WDR27: variants seen among roughly 807,000 people sequenced by gnomAD.
WDR27 encodes the protein WD repeat domain 27, also known as WD repeat-containing protein 27.
In WDR27, 100 loss-of-function variants were observed where a neutral mutation model predicts 114.4. The observed-to-expected ratio is 0.87, with a 90% CI of 0.74 to 1.03. The LOEUF (loss-of-function observed/expected upper bound fraction) is 1.03. WDR27 is among the 50% of genes least tolerant of loss of function. The pLI, the probability that WDR27 is intolerant of heterozygous loss-of-function variation, is 0.00. For missense variants in WDR27, 1,129 were observed against 1,092.9 expected (o/e 1.03, Z -0.47); for synonymous variants, 449 against 423.1 (o/e 1.06, Z -0.75).
chr6:169,430,683 G>C, the WDR27 span, among the ~76,000 whole-genome samples: 1 of 152,342 alleles, frequency 6.6e-6, no homozygotes, highest in African/African-American at 2.4e-5. Flanking sequence ...GCAGATCCCA[G>C]CTCATTCTCT....
chr6:169,548,331 T>A (rs2128100387), intron 25 of WDR27, among the ~76,000 whole-genome samples: 1 of 152,316 alleles, frequency 6.6e-6, no homozygotes, highest in East Asian at 1.9e-4. Context: ...ACAAAATGAT[T>A]CTGAAATTTA....
intron 23 of WDR27, among the ~76,000 whole-genome samples, chr6:169,585,586 ACAAT>A (rs3029696): frequency 0.093 from 14,193 of 152,056 alleles, 1,700 homozygotes; most frequent in East Asian, 0.57. Flanking sequence ...AATAACATAA[ACAAT>A]CAATTACCAT....
At chr6:169,598,292 A>G (rs538950306) in intron 23 of WDR27, among the ~76,000 whole-genome samples, 1 of 152,322 alleles carries the variant, frequency 6.6e-6, no homozygotes, top group South Asian at 2.1e-4. Flanking sequence ...ACTGCGTAAT[A>G]TACAAAGAAT....
intron 22 of WDR27, among the ~76,000 whole-genome samples, chr6:169,607,248 A>G (rs933619667): frequency 6.6e-6 from 1 of 152,196 alleles, no homozygotes; most frequent in Non-Finnish European, 1.5e-5. Flanking sequence ...TATCTACCAA[A>G]AGAAAAAGAA....
At chr6:169,495,738 C>G (rs994763372) in intron 25 of WDR27, among the ~76,000 whole-genome samples, 2 of 152,032 alleles carry the variant, frequency 1.3e-5, no homozygotes, top group Non-Finnish European at 2.9e-5. Flanking sequence ...AATAGCACAT[C>G]TGAATACACT....
intron 22 of WDR27, among the ~76,000 whole-genome samples, chr6:169,603,251 T>C (rs1210422180): frequency 1.3e-5 from 2 of 152,002 alleles, no homozygotes; most frequent in Admixed American, 1.3e-4. Context: ...ATTCTGTAGA[T>C]GGTAATATAG....
intron 25 of WDR27, among the ~76,000 whole-genome samples, chr6:169,499,260 G>C (rs951966745): frequency 6.6e-6 from 1 of 152,242 alleles, no homozygotes; most frequent in African/African-American, 2.4e-5. Context: ...CACCGAGGGT[G>C]CACAGCAGAA....
chr6:169,690,952 A>C (rs1426804628), intron 1 of WDR27, among the ~76,000 whole-genome samples: 1 of 152,220 alleles, frequency 6.6e-6, no homozygotes, highest in Non-Finnish European at 1.5e-5. Context: ...ACGGTCGCTC[A>C]CGCCTGTAAT....
intron 25 of WDR27, among the ~76,000 whole-genome samples, chr6:169,462,490 G>GAGAAAGAAAGAAAGAAAGAAAGAA (rs368800707): frequency 1.3e-5 from 2 of 149,848 alleles, no homozygotes; most frequent in African/African-American, 5.1e-5. Context: ...GAGAGAGAGA[G>GAGAAAGAAAGAAAGAAAGAAAGAA]AGAAAGAAAG....
rs552062612 is a variant in WDR27 at position 169,662,586 on chromosome 6, G to A, written c.905-162C>T. ...ACTAAGGTAACACCCAGCATGACGC[G>A]TGTGCACCACGGAGTCACTCGGATC... is the stretch of plus-strand genomic sequence containing the variant. On this transcript the variant is annotated intron_variant, in intron 8 of 25. Coordinates refer to ENST00000448612, the MANE Select transcript of WDR27 (RefSeq NM_182552.5). Among the ~76,000 whole-genome samples the A allele has an allele frequency of 5.6e-3, 853 of 151,116 alleles. 4 individuals carry two copies. The highest frequency in any genetic ancestry group is 6.2e-3 in the Non-Finnish European group (422 of 67,802).
At chr6:169,596,764 G>T (rs1288642303) in intron 23 of WDR27, among the ~76,000 whole-genome samples, 1 of 152,128 alleles carries the variant, frequency 6.6e-6, no homozygotes, top group Non-Finnish European at 1.5e-5. Context: ...GTTCTACATA[G>T]AGAGCTTGCA....
chr6:169,658,312 C>G lies in WDR27; in HGVS notation c.1366G>C (p.Glu456Gln). The stretch of plus-strand genomic sequence containing the variant: ...TCACTAGCAGCCTTGGTACTCTTCT[C>G]CTTGGCAATTCCCAGATACAGTGGA... ...TSPLYLGIAK[E>Q]KSTKAASEQR... The change falls in exon 13 of 26, where the codon GAG becomes CAG. Residue 456 changes from glutamate (E) to glutamine (Q), a missense_variant. Glu to Gln is a conservative substitution (Grantham distance 29). Transcript: ENST00000448612. The G allele has an allele frequency of 1.2e-6, 2 of 1,602,174 alleles. No homozygotes were observed. The highest frequency in any genetic ancestry group is 1.7e-6 in the Non-Finnish European group (2 of 1,174,718).
intron 25 of WDR27, among the ~76,000 whole-genome samples, chr6:169,483,752 A>G (rs540467225): frequency 3.9e-5 from 6 of 152,086 alleles, no homozygotes; most frequent in South Asian, 2.1e-4. Context: ...AATATCGTTG[A>G]TGAGCATTGA....
chr6:169,491,974 A>C (rs1437485622), intron 25 of WDR27, among the ~76,000 whole-genome samples: 1 of 152,234 alleles, frequency 6.6e-6, no homozygotes, highest in Non-Finnish European at 1.5e-5. Context: ...ATAAATTAAA[A>C]TTGTAAAACA....
intron 16 of WDR27, among the ~76,000 whole-genome samples, chr6:169,646,052 A>C (rs1820668414): frequency 6.6e-6 from 1 of 152,272 alleles, no homozygotes; most frequent in Admixed American, 6.5e-5. Flanking sequence ...AGAAAAGCCT[A>C]GTTCACAGAA....
intron 25 of WDR27, among the ~76,000 whole-genome samples, chr6:169,463,570 A>G (rs1376240229): frequency 6.6e-6 from 1 of 152,250 alleles, no homozygotes; most frequent in African/African-American, 2.4e-5. Flanking sequence ...ATAAATTAAA[A>G]GTACCCAAAT....
At chr6:169,448,351 A>ATT in the WDR27 span, among the ~76,000 whole-genome samples, 1 of 100,150 alleles carries the variant, frequency 1.0e-5, no homozygotes, top group South Asian at 3.2e-4. Context: ...GCTGTTGTTG[A>ATT]TTTTCTCTCT....
rs180774248 is a variant in WDR27 at position 169,649,676 on chromosome 6, C to T, written c.1482-401G>A. 2.1e-4 allele frequency among the ~76,000 whole-genome samples: 32 copies of T among 152,108 alleles called. 1 individual carries two copies. The highest frequency in any genetic ancestry group is 2.1e-4 in the Non-Finnish European group (14 of 67,970). On this transcript the variant is annotated intron_variant, in intron 14 of 25. Coordinates refer to ENST00000448612, the MANE Select transcript of WDR27 (RefSeq NM_182552.5). ...GCAGAACTGGGGAATCCATACAAAGCTGCAGATGCCATTGGAGCAGAATTC... is the reference window on the plus strand; with the variant it reads ...GCAGAACTGGGGAATCCATACAAAGTTGCAGATGCCATTGGAGCAGAATTC...
downstream of WDR27, among the ~76,000 whole-genome samples, chr6:169,456,867 ACAGG>A (rs1359645457): frequency 2.0e-5 from 3 of 151,010 alleles, no homozygotes; most frequent in Non-Finnish European, 4.4e-5. The surrounding 1 kb of genome is among the most constrained non-coding windows in gnomAD (Gnocchi z 4.0). Context: ...CACAGAACCC[ACAGG>A]CAGAGGTCAC....
Sources: allele counts gnomAD v4.1 joint callset (sites outside exome capture counted in the v4.1 genomes callset), GRCh38; gene constraint gnomAD v4.1.1; non-coding constraint Gnocchi (gnomAD v3.1); transcripts MANE v1.5; gene names NCBI Gene and HGNC (gene_info 2026-07-23, HGNC 2026-07-21).